Variants in PCLAF observed in about 807,000 individuals in gnomAD.
The protein encoded by PCLAF is PCNA clamp associated factor, also known as PCNA-associated factor.
Under a neutral mutation model 15.1 loss-of-function variants are expected in PCLAF, and 12 were observed. That is an observed-to-expected ratio of 0.79 (90% CI 0.51 to 1.29). The LOEUF is 1.29. Among genes scored for constraint, PCLAF ranks in the 50% most tolerant of loss-of-function variants. The pLI is 0.00. For missense variants in PCLAF, 116 were observed against 130.9 expected, an observed-to-expected ratio of 0.89 and a Z score of 0.56; for synonymous variants, 33 against 47.1, an observed-to-expected ratio of 0.70 and a Z score of 1.22.
intron 3 of PCLAF, among the ~76,000 whole-genome samples, chr15:64,367,409 A>G (rs1300783399): frequency 6.6e-6 from 1 of 151,560 alleles, no homozygotes; most frequent in African/African-American, 2.4e-5. Flanking sequence ...AGGCTCAGCC[A>G]GGAGAATTGC....
intron 2 of PCLAF, among the ~76,000 whole-genome samples, chr15:64,379,486 A>G (rs1001002242): frequency 6.6e-6 from 1 of 152,030 alleles, no homozygotes; most frequent in Admixed American, 6.6e-5. Context: ...GTCTCAAAAA[A>G]AAAAAAGAAA....
chr15:64,375,222 T>A (rs1260106457), intron 3 of PCLAF, among the ~76,000 whole-genome samples: 2 of 152,150 alleles, frequency 1.3e-5, no homozygotes, highest in Non-Finnish European at 2.9e-5. Context: ...CCTTTCAGGT[T>A]CAAGCAATTC....
At chr15:64,387,643 G>A (rs938304036) in exon 1 of PCLAF, 13 of 1,410,348 alleles carry the variant, frequency 9.2e-6, no homozygotes, top group Non-Finnish European at 1.1e-5. Flanking sequence ...CAAGAATCAT[G>A]CACTGACAGA....
chr15:64,376,917 A>C lies in PCLAF; in HGVS notation c.128-12T>G, dbSNP rs375528974. On this transcript the variant is annotated splice_polypyrimidine_tract_variant and intron_variant, in intron 2 of 3. Transcript: ENST00000300035. The stretch of plus-strand genomic sequence containing the variant: ...ATATTTATTTTCAGCTGTAAAATAT[A>C]AACAGATGGAACTAGATAAGTGCTA... The C allele has an allele frequency of 5.0e-6, 8 of 1,610,640 alleles. No homozygotes were observed. In the African/African-American group the frequency reaches 1.1e-4, roughly 22 times the overall value.
intron 3 of PCLAF, chr15:64,373,821 G>T (rs1899465529): frequency 1.3e-6 from 2 of 1,501,650 alleles, no homozygotes; most frequent in Non-Finnish European, 1.8e-6. Context: ...CATAATGGCA[G>T]TGACATCACT....
intron 3 of PCLAF, among the ~76,000 whole-genome samples, chr15:64,367,513 C>CA (rs565034836): frequency 0.26 from 8,868 of 33,942 alleles, 289 homozygotes; most frequent in East Asian, 0.48. Flanking sequence ...CAAAAAAACC[C>CA]AAAAAAAAAA....
chr15:64,370,829 GTTTTTTTTT>G (rs10607183), intron 3 of PCLAF, among the ~76,000 whole-genome samples: 1 of 85,766 alleles, frequency 1.2e-5, no homozygotes, highest in African/African-American at 4.4e-5. Context: ...TCATAAAGTT[GTTTTTTTTT>G]TTTTTTTTTT....
chr15:64,387,049 T>C (rs1159890785), intron 1 of PCLAF, among the ~76,000 whole-genome samples: 1 of 152,084 alleles, frequency 6.6e-6, no homozygotes, highest in Admixed American at 6.6e-5. Context: ...AACTCCTGTT[T>C]TACTGTTTTT....
In PCLAF at chr15:64,381,441, G is replaced by A; in HGVS notation, c.-70C>T. ...AGCCGAGGGTGTTTCACTGGACAAGGACCCGAAAACTATCCCGCCACAGTT... is the reference window on the plus strand; with the variant it reads ...AGCCGAGGGTGTTTCACTGGACAAGAACCCGAAAACTATCCCGCCACAGTT... On this transcript the variant is annotated 5_prime_UTR_variant, in exon 1 of 4. Coordinates refer to ENST00000300035, the MANE Select transcript of PCLAF (RefSeq NM_014736.6). 1.2e-6 allele frequency: 2 copies of A among 1,610,922 alleles called. No homozygotes were observed. Among genetic ancestry groups the A allele is most frequent in the Admixed American group, 1.7e-5 (1 of 59,824 alleles).
chr15:64,372,646 T>C (rs958164254), intron 3 of PCLAF, among the ~76,000 whole-genome samples: 21 of 150,550 alleles, frequency 1.4e-4, no homozygotes, highest in African/African-American at 4.6e-4. Context: ...GAAAGTCAAA[T>C]GCAATGGCAA....
At chr15:64,366,948 C>T (rs1033695690) in intron 3 of PCLAF, among the ~76,000 whole-genome samples, 4 of 149,028 alleles carry the variant, frequency 2.7e-5, no homozygotes, top group Admixed American at 6.7e-5. Flanking sequence ...ACTCCAGCCT[C>T]GGGGACAGAG....
At chr15:64,380,549 G>GA (rs1419247029) in intron 2 of PCLAF, among the ~76,000 whole-genome samples, 25 of 150,894 alleles carry the variant, frequency 1.7e-4, no homozygotes, top group East Asian at 3.9e-4. Context: ...ACAAAAAATA[G>GA]AAAAAAAAGC....
In PCLAF at chr15:64,375,364, T is replaced by C. The variant is rs28409929; in HGVS notation, c.290+1379A>G. 8.3e-3 allele frequency among the ~76,000 whole-genome samples: 1,257 copies of C among 152,220 alleles called. 17 individuals carry two copies. The highest frequency in any genetic ancestry group is 0.029 in the African/African-American group (1,207 of 41,536). On this transcript the variant is annotated intron_variant, in intron 3 of 3. Transcript: ENST00000300035. Reference sequence around the variant, plus strand: ...GTCTCGATCTCTTGATCTTGTGATCTGCCTGCCTTGGACTCTCAAAGTGCT... The same window carrying C: ...GTCTCGATCTCTTGATCTTGTGATCCGCCTGCCTTGGACTCTCAAAGTGCT...
At chr15:64,382,611 T>C (rs1300180163), upstream of PCLAF, 3 of 153,806 alleles carry the variant, frequency 2.0e-5, no homozygotes, top group African/African-American at 4.8e-5. Context: ...TTTTTTTCTA[T>C]CTTTATGCTT....
At chr15:64,367,065 G>T (rs1899064915) in intron 3 of PCLAF, among the ~76,000 whole-genome samples, 1 of 152,108 alleles carries the variant, frequency 6.6e-6, no homozygotes, top group Non-Finnish European at 1.5e-5. Context: ...GTTGCAGTCA[G>T]CCATGATTGA....
upstream of PCLAF, among the ~76,000 whole-genome samples, chr15:64,385,243 T>G (rs1400933572): frequency 6.6e-6 from 1 of 152,142 alleles, no homozygotes; most frequent in African/African-American, 2.4e-5. Flanking sequence ...CATACTAAAT[T>G]ATATTATATG....
chr15:64,371,858 A>G (rs945235282), intron 3 of PCLAF, among the ~76,000 whole-genome samples: 2 of 152,046 alleles, frequency 1.3e-5, no homozygotes, highest in Non-Finnish European at 2.9e-5. Flanking sequence ...TGGCCTCCCA[A>G]AGTGCTGGGA....
chr15:64,377,776 A>T (rs12912929), intron 2 of PCLAF, among the ~76,000 whole-genome samples: 3 of 96,086 alleles, frequency 3.1e-5, no homozygotes, highest in African/African-American at 4.1e-5. Flanking sequence ...TTTTTTTTCA[A>T]AGTCTAGCTC....
chr15:64,366,376 CAT>C (rs1434218453), intron 3 of PCLAF, among the ~76,000 whole-genome samples: 3 of 152,046 alleles, frequency 2.0e-5, no homozygotes, highest in Non-Finnish European at 4.4e-5. Flanking sequence ...ATTATTTCAA[CAT>C]GTTATTAAAT....
Sources: gnomAD v4.1 joint callset for allele counts (sites outside exome capture counted in the v4.1 genomes callset) on GRCh38, gnomAD v4.1.1 for gene constraint, MANE v1.5 for transcripts, NCBI Gene and HGNC (gene_info 2026-07-23, HGNC 2026-07-21) for gene names.